The following PLCB4 variants were observed in gnomAD, a reference collection of about 807,000 sequenced individuals.
PLCB4 encodes the protein 1-phosphatidylinositol 4,5-bisphosphate phosphodiesterase beta-4.
A neutral mutation model predicts 178.8 loss-of-function variants in PLCB4; 77 were observed. That is an observed-to-expected ratio of 0.43 (90% CI 0.36 to 0.52). PLCB4 has a LOEUF of 0.52. PLCB4 is among the 20% of genes least tolerant of loss of function. PLCB4 has a pLI of 0.00. For missense variants in PLCB4, 1,024 were observed against 1,453.4 expected (o/e 0.70, Z 4.80); for synonymous variants, 496 against 490.8 (o/e 1.01, Z -0.14).
intron 3 of PLCB4, among the ~76,000 whole-genome samples, chr20:9,275,529 C>T (rs1383213094): frequency 6.6e-6 from 1 of 152,032 alleles, no homozygotes; most frequent in Non-Finnish European, 1.5e-5. Context: ...ATGGTAGAGC[C>T]AGAACTCCAG....
At chr20:9,085,052 C>T (rs912792990) in intron 1 of PLCB4, among the ~76,000 whole-genome samples, 6 of 41,374 alleles carry the variant, frequency 1.5e-4, no homozygotes, top group Admixed American at 9.6e-4. Context: ...GACTCCATCT[C>T]AAAAAAAAAA....
At position 9,473,275 on chromosome 20, in the gene PLCB4, G is replaced by C; in HGVS notation, c.3409-4G>C. On this transcript the variant is annotated splice_polypyrimidine_tract_variant and splice_region_variant and intron_variant, in intron 37 of 39. Transcript: ENST00000378473. Reference sequence around the variant, plus strand: ...CAGAATTTTTTTTTTTTTTTTTTTTGCAGCTTGCCATGAAGCAGTCCAAAG... The same window carrying C: ...CAGAATTTTTTTTTTTTTTTTTTTTCCAGCTTGCCATGAAGCAGTCCAAAG... 1 of 898,716 alleles carries C rather than the reference G, an allele frequency of 1.1e-6. No individual in the cohort carries two copies. The highest frequency in any genetic ancestry group is 3.3e-5 in the South Asian group (1 of 30,312). 55.7% of individuals were successfully genotyped at this position (898,716 alleles called of 1,614,324 possible).
intron 2 of PLCB4, among the ~76,000 whole-genome samples, chr20:9,100,984 C>T (rs866013661): frequency 9.9e-5 from 15 of 152,074 alleles, no homozygotes; most frequent in African/African-American, 3.1e-4. Flanking sequence ...GTAGGCTGCC[C>T]GCCTGTGAGG....
chr20:9,077,340 G>A (rs546837982), intron 1 of PLCB4, among the ~76,000 whole-genome samples: 1 of 152,226 alleles, frequency 6.6e-6, no homozygotes, highest in South Asian at 2.1e-4. Flanking sequence ...AAAAGCCTAT[G>A]CACACTTCAA....
intron 33 of PLCB4, 100 bp downstream of exon 33, chr20:9,453,562 G>T: frequency 1.6e-6 from 1 of 638,574 alleles, no homozygotes; most frequent in South Asian, 2.0e-5. Flanking sequence ...ACTTAGTGTT[G>T]ACTTGATTTT....
chr20:9,292,734 G>A (rs1432324137), intron 3 of PLCB4, among the ~76,000 whole-genome samples: 4 of 152,182 alleles, frequency 2.6e-5, no homozygotes, highest in Admixed American at 2.0e-4. Flanking sequence ...ACTGTGAACA[G>A]CATTTCAGGA....
chr20:9,140,171 C>T (rs1437183760), intron 2 of PLCB4, among the ~76,000 whole-genome samples: 1 of 152,076 alleles, frequency 6.6e-6, no homozygotes, highest in Non-Finnish European at 1.5e-5. Context: ...TCTCCTCTCT[C>T]CCGGTCCCTA....
chr20:9,206,442 G>A (rs1314627222), intron 2 of PLCB4, among the ~76,000 whole-genome samples: 1 of 151,822 alleles, frequency 6.6e-6, no homozygotes, highest in African/African-American at 2.4e-5. Context: ...ACTGGTTTGA[G>A]ACTAATTAAA....
chr20:9,456,277 G>A (rs2043052425), intron 33 of PLCB4, among the ~76,000 whole-genome samples: 1 of 152,200 alleles, frequency 6.6e-6, no homozygotes, highest in African/African-American at 2.4e-5. Flanking sequence ...TCAGCTGAAA[G>A]GAAAGATTGA....
chr20:9,423,853 C>T lies in PLCB4; in HGVS notation c.2425C>T (p.Arg809Ter), dbSNP rs757581181. 2.5e-6 allele frequency: 4 copies of T among 1,613,526 alleles called. No homozygotes were observed. Among genetic ancestry groups the T allele is most frequent in the Non-Finnish European group, 3.4e-6 (4 of 1,179,500 alleles). Residue 809 changes from arginine to a stop codon, truncating the protein, a stop_gained, in exon 28 of 40, where the codon CGA (arginine) becomes TGA (stop). Transcript: ENST00000378473. LOFTEE classifies it high-confidence loss of function. Reference protein sequence around the residue: ...LPLDGLQAGYRHISLRNEGNK... With the variant: ...LPLDGLQAGY Reference sequence around the variant, plus strand: ...GCTTGATGGCCTCCAAGCCGGATATCGACACATTTCCCTTCGAAATGAGGG... The same window carrying T: ...GCTTGATGGCCTCCAAGCCGGATATTGACACATTTCCCTTCGAAATGAGGG...
At chr20:9,274,559 A>G (rs1266631077) in intron 3 of PLCB4, among the ~76,000 whole-genome samples, 1 of 152,090 alleles carries the variant, frequency 6.6e-6, no homozygotes, top group Non-Finnish European at 1.5e-5. Flanking sequence ...AGTTATTTCC[A>G]TCAGCCTTGG....
intron 34 of PLCB4, among the ~76,000 whole-genome samples, chr20:9,457,844 A>T (rs2043150027): frequency 6.6e-6 from 1 of 152,242 alleles, no homozygotes; most frequent in Non-Finnish European, 1.5e-5. Flanking sequence ...AACATAGGAC[A>T]GAAAACCGCC....
At chr20:9,414,779 A>G (rs1047214205) in intron 25 of PLCB4, among the ~76,000 whole-genome samples, 2 of 152,244 alleles carry the variant, frequency 1.3e-5, no homozygotes, top group Non-Finnish European at 2.9e-5. Flanking sequence ...AATGGAAGAC[A>G]TTTCCCTAAT....
intron 4 of PLCB4, among the ~76,000 whole-genome samples, chr20:9,311,671 G>A (rs1465618205): frequency 6.6e-6 from 1 of 152,064 alleles, no homozygotes; most frequent in Non-Finnish European, 1.5e-5. Flanking sequence ...TCCTCATCCT[G>A]GAGCTGTTTG....
At chr20:9,080,551 G>C (rs976076344) in intron 1 of PLCB4, among the ~76,000 whole-genome samples, 1 of 152,098 alleles carries the variant, frequency 6.6e-6, no homozygotes, top group Non-Finnish European at 1.5e-5. Flanking sequence ...CCAAGGGTTT[G>C]GTTGTCCATT....
intron 1 of PLCB4, among the ~76,000 whole-genome samples, chr20:9,088,490 A>C (rs767274040): frequency 2.0e-5 from 3 of 152,198 alleles, no homozygotes; most frequent in Non-Finnish European, 4.4e-5. Flanking sequence ...CTTCAGCTAC[A>C]TTTATAATTC....
intron 17 of PLCB4, among the ~76,000 whole-genome samples, chr20:9,392,015 A>C (rs1187763386): frequency 1.3e-5 from 2 of 152,142 alleles, no homozygotes; most frequent in Non-Finnish European, 2.9e-5. Flanking sequence ...TCTGAGGCTG[A>C]TTTTAAGGGA....
At chr20:9,372,923 T>C in intron 11 of PLCB4, 124 bp from the exon 12 acceptor site, 2 of 516,440 alleles carry the variant, frequency 3.9e-6, no homozygotes, top group South Asian at 5.9e-5. Flanking sequence ...ATTTTAAGAA[T>C]TCACCACTAC....
At chr20:9,212,022 G>C (rs775454759) in intron 2 of PLCB4, among the ~76,000 whole-genome samples, 1 of 152,202 alleles carries the variant, frequency 6.6e-6, no homozygotes, top group African/African-American at 2.4e-5. Context: ...GCAGTGTGCA[G>C]TGCCCCATCA....
Sources: allele counts gnomAD v4.1 joint callset (sites outside exome capture counted in the v4.1 genomes callset), GRCh38; gene constraint gnomAD v4.1.1; transcripts MANE v1.5; gene names NCBI Gene and HGNC (gene_info 2026-07-23, HGNC 2026-07-21).